WBP2NL: variants seen among roughly 807,000 people sequenced by gnomAD.
WBP2NL encodes the protein WBP2 N-terminal like.
A neutral mutation model predicts 23.3 loss-of-function variants in WBP2NL; 27 were observed. The observed-to-expected ratio is 1.16, with a 90% CI of 0.85 to 1.60. The LOEUF (loss-of-function observed/expected upper bound fraction) is 1.60. Ranked by LOEUF, WBP2NL falls within the 40% of genes most tolerant of loss-of-function variation. The pLI is 0.00. For missense variants in WBP2NL, 370 were observed against 389.5 expected (o/e 0.95, Z 0.42); for synonymous variants, 151 against 145.9 (o/e 1.03, Z -0.25).
intron 8 of WBP2NL, among the ~76,000 whole-genome samples, chr22:42,048,583 T>C (rs894320488): frequency 1.3e-5 from 2 of 151,144 alleles, no homozygotes; most frequent in African/African-American, 4.9e-5. Context: ...AGTGAAACCT[T>C]GTCTCTACTA....
At chr22:42,033,722 C>G (rs1925076313), downstream of WBP2NL, among the ~76,000 whole-genome samples, 1 of 152,142 alleles carries the variant, frequency 6.6e-6, no homozygotes, top group Non-Finnish European at 1.5e-5. Context: ...CTGATGTCTG[C>G]TGCTCTCAAC....
At chr22:42,036,094 A>T (rs1280234335), downstream of WBP2NL, among the ~76,000 whole-genome samples, 1 of 152,138 alleles carries the variant, frequency 6.6e-6, no homozygotes, top group Non-Finnish European at 1.5e-5. Flanking sequence ...CCATATCTTG[A>T]CTGTCGTGCA....
chr22:42,006,796 A>G (rs987280783), intron 1 of WBP2NL, among the ~76,000 whole-genome samples: 17 of 152,206 alleles, frequency 1.1e-4, no homozygotes, highest in Non-Finnish European at 2.1e-4. Context: ...CCTATTCACA[A>G]TACACAGTTG....
At chr22:42,042,641 C>T (rs998341815) in intron 8 of WBP2NL, among the ~76,000 whole-genome samples, 5 of 152,134 alleles carry the variant, frequency 3.3e-5, no homozygotes, top group East Asian at 1.9e-4. Context: ...TTTTATCAGG[C>T]GGTTCATGGA....
chr22:41,998,873 G>A lies in WBP2NL; in HGVS notation c.55G>A (p.Gly19Ser). ...ENRRGALIPN[G>S]ESLLKRSPNV... The stretch of plus-strand genomic sequence containing the variant: ...CCGCCGCGGAGCCCTCATCCCTAAC[G>A]GTGAAAGGTGCCTGAGGGGAAGCAC... The change falls in exon 1 of 6, where the codon GGT becomes AGT. Residue 19 changes from glycine (G) to serine (S), a missense_variant. Gly to Ser is a moderately conservative substitution (Grantham distance 56). Transcript: ENST00000328823. 1 of 1,611,132 alleles carries A rather than the reference G, an allele frequency of 6.2e-7. No individual in the cohort carries two copies. The highest frequency in any genetic ancestry group is 8.5e-7 in the Non-Finnish European group (1 of 1,178,098).
At chr22:42,025,183 G>A (rs1202935499) in intron 5 of WBP2NL, among the ~76,000 whole-genome samples, 2 of 152,168 alleles carry the variant, frequency 1.3e-5, no homozygotes, top group African/African-American at 4.8e-5. Context: ...TAAAATGTGA[G>A]AATTCGTTGC....
chr22:42,040,176 A>G (rs571652711), intron 8 of WBP2NL, among the ~76,000 whole-genome samples: 2 of 150,358 alleles, frequency 1.3e-5, no homozygotes, highest in Non-Finnish European at 3.0e-5. Flanking sequence ...GCCTCCCACC[A>G]TGCCTTGGCC....
chr22:42,018,227 A>T (rs1923506151), intron 1 of WBP2NL, among the ~76,000 whole-genome samples: 1 of 149,876 alleles, frequency 6.7e-6, no homozygotes, highest in African/African-American at 2.5e-5. Flanking sequence ...GAATGGGAGG[A>T]TCACCTGAGC....
At chr22:42,057,039 G>A (rs1926064044) in intron 8 of WBP2NL, among the ~76,000 whole-genome samples, 2 of 152,106 alleles carry the variant, frequency 1.3e-5, no homozygotes, top group Non-Finnish European at 2.9e-5. Context: ...AGCTCTTTGA[G>A]TTTAACCTAC....
chr22:42,018,085 G>T (rs1425586675), intron 1 of WBP2NL, among the ~76,000 whole-genome samples: 1 of 150,880 alleles, frequency 6.6e-6, no homozygotes, highest in Non-Finnish European at 1.5e-5. Context: ...GGAGGCGGAG[G>T]TTGCAGTGAG....
chr22:42,013,293 G>A (rs1477574569), intron 1 of WBP2NL, among the ~76,000 whole-genome samples: 1 of 151,792 alleles, frequency 6.6e-6, no homozygotes, highest in Non-Finnish European at 1.5e-5. Context: ...GGCTGAGGCA[G>A]GAGAATCACT....
chr22:42,016,388 C>A (rs1923311506), intron 1 of WBP2NL, among the ~76,000 whole-genome samples: 1 of 152,184 alleles, frequency 6.6e-6, no homozygotes, highest in African/African-American at 2.4e-5. Context: ...CCAGACAAGT[C>A]AAACTACAAT....
intron 8 of WBP2NL, among the ~76,000 whole-genome samples, chr22:42,047,955 C>A (rs539863454): frequency 6.6e-6 from 1 of 152,092 alleles, no homozygotes; most frequent in South Asian, 2.1e-4. Context: ...GAAAGAAAAT[C>A]TGCAGACCAG....
intron 8 of WBP2NL, among the ~76,000 whole-genome samples, chr22:42,039,152 A>G (rs1358449810): frequency 6.6e-6 from 1 of 151,120 alleles, no homozygotes; most frequent in Non-Finnish European, 1.5e-5. Context: ...GCTCACTGCA[A>G]TTTCCGTCTC....
In WBP2NL at chr22:41,998,824, G is replaced by A; in HGVS notation, c.6G>A (p.Ala2=). ...GGCAGGAGGCCCGAAGCAAGATGGC[G>A]GTGAATCAGAGCCACACCGAGAACC... M[A]VNQSHTENRR... Residue 2 remains alanine (A), a synonymous_variant, in exon 1 of 6, where the codon GCG becomes GCA. Coordinates refer to ENST00000328823, the MANE Select transcript of WBP2NL (RefSeq NM_152613.3). The A allele has an allele frequency of 1.2e-6, 2 of 1,610,418 alleles. No individual in the cohort carries two copies. Among genetic ancestry groups the A allele is most frequent in the South Asian group, 2.2e-5 (2 of 90,808 alleles).
At chr22:42,020,879 TATATATATATATATATATATATATATA>T (rs1923861352) in intron 4 of WBP2NL, among the ~76,000 whole-genome samples, 2 of 20,652 alleles carry the variant, frequency 9.7e-5, no homozygotes, top group Non-Finnish European at 1.7e-4. Context: ...TATATATATA[TATATATATATATATATATATATATATA>T]TATTTTTTTT....
Position 42,019,454 on chromosome 22 carries a change from C to T in WBP2NL, c.171+35C>T, listed in dbSNP as rs370997444. 67 of 1,574,396 alleles carry T rather than the reference C, an allele frequency of 4.3e-5. 2 individuals carry two copies. The South Asian group carries it at 5.7e-4, about 13-fold the overall frequency. On this transcript the variant is annotated intron_variant, in intron 2 of 5. Transcript: ENST00000328823. ...ACTTCTACTTTAATCTGCTGATTAA[C>T]TCTACATTTGTTTTCCTTGAAATGA...
At chr22:42,054,347 A>C (rs1365164073) in intron 8 of WBP2NL, among the ~76,000 whole-genome samples, 2 of 141,482 alleles carry the variant, frequency 1.4e-5, no homozygotes, top group African/African-American at 5.2e-5. Context: ...TGCCCAGGTA[A>C]TTTTTTTTTT....
intron 1 of WBP2NL, chr22:42,001,810 C>G: frequency 8.0e-7 from 1 of 1,254,732 alleles, no homozygotes; most frequent in Non-Finnish European, 1.1e-6. Context: ...TCTCTAATGC[C>G]CTTGTATTGC....
Sources: gnomAD v4.1 joint callset for allele counts (sites outside exome capture counted in the v4.1 genomes callset) on GRCh38, gnomAD v4.1.1 for gene constraint, MANE v1.5 for transcripts, NCBI Gene and HGNC (gene_info 2026-07-23, HGNC 2026-07-21) for gene names.